PTPRD: variants seen among roughly 807,000 people sequenced by gnomAD.
PTPRD encodes receptor-type tyrosine-protein phosphatase delta.
A neutral mutation model predicts 214.5 loss-of-function variants in PTPRD; 34 were observed. The observed-to-expected ratio is 0.16, with a 90% CI of 0.12 to 0.21. The LOEUF (loss-of-function observed/expected upper bound fraction) is 0.21, where lower values mean the gene tolerates loss of function less well. PTPRD is among the 10% of genes least tolerant of loss of function. The pLI is 1.00. For synonymous variants in PTPRD, 1,128 were observed against 845.7 expected, an observed-to-expected ratio of 1.33 and a Z score of -5.79; for missense variants, 2,545 against 2,398.7, an observed-to-expected ratio of 1.06 and a Z score of -1.27.
chr9:10,401,334 T>C (rs2098266470), intron 2 of PTPRD, among the ~76,000 whole-genome samples: 1 of 151,520 alleles, frequency 6.6e-6, no homozygotes, highest in Non-Finnish European at 1.5e-5. Context: ...TTACTTGAAG[T>C]GATCTCTAGA....
chr9:10,096,238 G>T (rs147590253), intron 3 of PTPRD, among the ~76,000 whole-genome samples: 1 of 151,642 alleles, frequency 6.6e-6, no homozygotes, highest in Non-Finnish European at 1.5e-5. Context: ...GATATAAATT[G>T]AGATACATAT....
At chr9:8,974,456 G>T (rs139429062) in intron 11 of PTPRD, among the ~76,000 whole-genome samples, 1 of 151,888 alleles carries the variant, frequency 6.6e-6, no homozygotes, top group Admixed American at 6.6e-5. Flanking sequence ...ATGCAGCTTT[G>T]TTACATAGGT....
intron 2 of PTPRD, among the ~76,000 whole-genome samples, chr9:10,554,437 G>C (rs2062016154): frequency 6.6e-6 from 1 of 151,892 alleles, no homozygotes; most frequent in Admixed American, 6.6e-5. Flanking sequence ...GAAACTTTCA[G>C]AGTAATTACT....
intron 2 of PTPRD, among the ~76,000 whole-genome samples, chr9:10,596,641 A>C (rs2133161576): frequency 6.6e-6 from 1 of 151,758 alleles, no homozygotes; most frequent in East Asian, 1.9e-4. Flanking sequence ...CCATGCTTCC[A>C]CATTGAGTGT....
intron 37 of PTPRD, among the ~76,000 whole-genome samples, chr9:8,387,376 A>T (rs1344429584): frequency 6.6e-6 from 1 of 152,192 alleles, no homozygotes; most frequent in Non-Finnish European, 1.5e-5. Context: ...CTTTATTATT[A>T]GAAGCAATTA....
At chr9:8,711,243 C>T (rs2098327273) in intron 12 of PTPRD, among the ~76,000 whole-genome samples, 1 of 148,054 alleles carries the variant, frequency 6.8e-6, no homozygotes, top group Non-Finnish European at 1.5e-5. Context: ...TCATTTAGTT[C>T]TAGTAATAGT....
At chr9:9,324,895 C>G (rs557829647) in intron 9 of PTPRD, among the ~76,000 whole-genome samples, 2 of 152,320 alleles carry the variant, frequency 1.3e-5, no homozygotes, top group South Asian at 4.1e-4. Context: ...GATCCAGTTT[C>G]AGCTTTCTAC....
chr9:9,537,159 G>C (rs753075186), intron 8 of PTPRD, among the ~76,000 whole-genome samples: 1 of 151,920 alleles, frequency 6.6e-6, no homozygotes, highest in African/African-American at 2.4e-5. Context: ...GCTACTATGA[G>C]TAAGAAGGTG....
intron 8 of PTPRD, among the ~76,000 whole-genome samples, chr9:9,413,657 G>A (rs184884031): frequency 3.3e-5 from 5 of 152,258 alleles, no homozygotes; most frequent in Non-Finnish European, 5.9e-5. Context: ...CTGAACATTG[G>A]TGGCAATCTT....
intron 3 of PTPRD, among the ~76,000 whole-genome samples, chr9:10,045,886 T>C (rs1316528384): frequency 1.3e-5 from 2 of 151,742 alleles, no homozygotes. Context: ...AGAATCACAA[T>C]TGTATGATAC....
At chr9:9,845,536 T>C (rs7853375) in intron 5 of PTPRD, among the ~76,000 whole-genome samples, 4,542 of 151,764 alleles carry the variant, frequency 0.03, 86 homozygotes, top group Middle Eastern at 0.068. Context: ...TTTGAGCTGT[T>C]TTCAATACCT....
chr9:10,522,316 T>C (rs752828434), intron 2 of PTPRD, among the ~76,000 whole-genome samples: 12 of 152,150 alleles, frequency 7.9e-5, no homozygotes, highest in Non-Finnish European at 1.5e-5. Flanking sequence ...AGCCCTCAAG[T>C]GTGTGGTGTG....
chr9:10,406,026 GATAC>G (rs1303483475), intron 2 of PTPRD, among the ~76,000 whole-genome samples: 1 of 151,060 alleles, frequency 6.6e-6, no homozygotes, highest in African/African-American at 2.4e-5. Context: ...TCCATTATAA[GATAC>G]ATTAGCTCAG....
At chr9:9,137,102 G>A (rs112784280) in intron 10 of PTPRD, among the ~76,000 whole-genome samples, 1 of 152,230 alleles carries the variant, frequency 6.6e-6, no homozygotes, top group African/African-American at 2.4e-5. Flanking sequence ...TATTGCTAAT[G>A]GAATCACAGA....
chr9:8,451,336 G>C (rs1405864049), intron 33 of PTPRD, among the ~76,000 whole-genome samples: 1 of 152,126 alleles, frequency 6.6e-6, no homozygotes, highest in African/African-American at 2.4e-5. Context: ...GGGACAAAAT[G>C]TGCTGCCAAC....
intron 39 of PTPRD, among the ~76,000 whole-genome samples, chr9:8,370,904 T>A (rs149609927): frequency 6.6e-6 from 1 of 152,230 alleles, no homozygotes; most frequent in East Asian, 1.9e-4. Flanking sequence ...CTGTTTTTTC[T>A]TCTGTGAAAT....
intron 5 of PTPRD, among the ~76,000 whole-genome samples, chr9:9,862,566 G>A (rs758920816): frequency 3.9e-5 from 6 of 152,122 alleles, no homozygotes; most frequent in Admixed American, 1.3e-4. Flanking sequence ...CAGAAACTGC[G>A]AGAATCAAAA....
chr9:8,436,215 T>C (rs1003093458), intron 35 of PTPRD, among the ~76,000 whole-genome samples: 15 of 133,598 alleles, frequency 1.1e-4, no homozygotes, highest in Admixed American at 3.5e-4. Context: ...AGGGGAGATG[T>C]TGATCAGTTT....
chr9:10,066,765 T>C (rs901408402), intron 3 of PTPRD, among the ~76,000 whole-genome samples: 2 of 151,964 alleles, frequency 1.3e-5, no homozygotes, highest in Admixed American at 6.6e-5. Context: ...GCATTTTTTA[T>C]TATTTTATTG....
Sources: allele counts gnomAD v4.1 joint callset (sites outside exome capture counted in the v4.1 genomes callset), GRCh38; gene constraint gnomAD v4.1.1; transcripts MANE v1.5; gene names NCBI Gene and HGNC (gene_info 2026-07-23, HGNC 2026-07-21).